SMCHD1: variants seen among roughly 807,000 people sequenced by gnomAD.
SMCHD1 encodes structural maintenance of chromosomes flexible hinge domain-containing protein 1.
Under a neutral mutation model 254.7 loss-of-function variants are expected in SMCHD1, and 78 were observed. The ratio of observed to expected loss-of-function variants is 0.31; its 90% CI spans 0.26 to 0.37. The LOEUF is 0.37. Ranked by LOEUF, SMCHD1 falls within the 10% of genes least tolerant of loss-of-function variation. SMCHD1 has a pLI of 1.00. For synonymous variants in SMCHD1, 766 were observed against 794.9 expected, an observed-to-expected ratio of 0.96 and a Z score of 0.61; for missense variants, 1,840 against 2,408.1, an observed-to-expected ratio of 0.76 and a Z score of 4.94.
At chr18:2,801,426 T>A (rs1247436875) in intron 47 of SMCHD1, among the ~76,000 whole-genome samples, 3 of 152,168 alleles carry the variant, frequency 2.0e-5, no homozygotes, top group Non-Finnish European at 4.4e-5. Context: ...CTTTCTCCTC[T>A]TTGCATCCTG....
chr18:2,743,732 G>C, intron 28 of SMCHD1, 29 bp from the exon 29 acceptor site: 1 of 1,550,010 alleles, frequency 6.5e-7, no homozygotes, highest in African/African-American at 1.4e-5. Context: ...GATACCCCCT[G>C]TCTTTCTCAA....
intron 1 of SMCHD1, among the ~76,000 whole-genome samples, chr18:2,656,779 T>G (rs1011687174): frequency 5.9e-5 from 9 of 152,090 alleles, no homozygotes; most frequent in Non-Finnish European, 1.2e-4. Context: ...AGGTTGCAGG[T>G]CCTTCTGGGG....
At chr18:2,675,754 A>G (rs1244923749) in intron 5 of SMCHD1, among the ~76,000 whole-genome samples, 2 of 152,194 alleles carry the variant, frequency 1.3e-5, no homozygotes, top group Non-Finnish European at 2.9e-5. Flanking sequence ...GGTCAGAAAA[A>G]CATCAGTTAT....
In SMCHD1 at chr18:2,742,277, G is replaced by A. The variant is rs185841883; in HGVS notation, c.3633+1456G>A. Among the ~76,000 whole-genome samples the A allele has an allele frequency of 3.9e-5, 6 of 152,108 alleles. No homozygotes were observed. In the East Asian group the frequency reaches 9.7e-4, roughly 24 times the overall value. On this transcript the variant is annotated intron_variant, in intron 28 of 47. Coordinates refer to ENST00000320876, the MANE Select transcript of SMCHD1 (RefSeq NM_015295.3). ...CTACTTCTGTCTTTCTGTAATTGAC[G>A]TATACTATCTTGGCTCATTTTCGGA...
intron 10 of SMCHD1, among the ~76,000 whole-genome samples, chr18:2,700,075 C>G (rs2074367878): frequency 6.6e-6 from 1 of 152,176 alleles, no homozygotes; most frequent in Non-Finnish European, 1.5e-5. Context: ...AAAAAGTAAA[C>G]TTAATTTTAG....
rs780855590 is a variant in SMCHD1, at chr18:2,667,031, C to T, written c.424C>T (p.Pro142Ser). ...TGCCAGTGAAGGACAAAATCCTTTGCGTAAGTATCCCATTCATACTAATTT... is the reference window on the plus strand; with the variant it reads ...TGCCAGTGAAGGACAAAATCCTTTGTGTAAGTATCCCATTCATACTAATTT... ...YYASEGQNPL[P>S]FALAELIDNS... The change falls in exon 3 of 48, where the codon CCA (proline) becomes TCA (serine). Residue 142 changes from proline to serine, a missense_variant and splice_region_variant. Coordinates refer to ENST00000320876, the MANE Select transcript of SMCHD1 (RefSeq NM_015295.3). 11 of 1,566,290 alleles carry T rather than the reference C, an allele frequency of 7.0e-6. No homozygotes were observed. Among genetic ancestry groups the T allele is most frequent in the Admixed American group, 3.8e-5 (2 of 53,140 alleles).
intron 26 of SMCHD1, among the ~76,000 whole-genome samples, chr18:2,739,177 A>G (rs1197009818): frequency 2.0e-5 from 3 of 152,166 alleles, no homozygotes; most frequent in Non-Finnish European, 4.4e-5. Flanking sequence ...ATTTCCTTTT[A>G]ATCCAGCATA....
At chr18:2,716,391 A>G (rs2074800185) in intron 17 of SMCHD1, among the ~76,000 whole-genome samples, 1 of 152,192 alleles carries the variant, frequency 6.6e-6, no homozygotes, top group African/African-American at 2.4e-5. Flanking sequence ...ATGTGGTGCT[A>G]GAAGGTAAGA....
intron 28 of SMCHD1, among the ~76,000 whole-genome samples, chr18:2,741,545 T>A (rs934712181): frequency 3.9e-5 from 6 of 152,170 alleles, no homozygotes; most frequent in Middle Eastern, 3.2e-3. Flanking sequence ...CTAACTAGAG[T>A]TTCTGTCTCC....
At chr18:2,784,265 C>T (rs1459513893) in intron 44 of SMCHD1, among the ~76,000 whole-genome samples, 185 bp from the exon 45 acceptor site, 1 of 152,178 alleles carries the variant, frequency 6.6e-6, no homozygotes, top group East Asian at 1.9e-4. Context: ...GAAAAGTTGT[C>T]TAATTCATCT....
At chr18:2,703,503 T>C (rs1047903121) in intron 12 of SMCHD1, among the ~76,000 whole-genome samples, 189 bp from the exon 13 acceptor site, 5 of 152,194 alleles carry the variant, frequency 3.3e-5, no homozygotes, top group African/African-American at 9.7e-5. Context: ...ATTTTTCTTC[T>C]TTGGTAATGC....
At chr18:2,740,140 G>A (rs1434898210) in intron 27 of SMCHD1, among the ~76,000 whole-genome samples, 1 of 151,732 alleles carries the variant, frequency 6.6e-6, no homozygotes. Flanking sequence ...GGGTCCATGT[G>A]TTCTCATTGT....
intron 3 of SMCHD1, among the ~76,000 whole-genome samples, chr18:2,671,665 G>A (rs1312067426): frequency 2.8e-5 from 4 of 143,990 alleles, no homozygotes; most frequent in South Asian, 2.2e-4. Flanking sequence ...GCACTATTTC[G>A]GCTCACTGCA....
chr18:2,716,845 CCT>C (rs2074810923), intron 17 of SMCHD1, among the ~76,000 whole-genome samples: 1 of 152,202 alleles, frequency 6.6e-6, no homozygotes, highest in African/African-American at 2.4e-5. Flanking sequence ...GGCAGTCTGT[CCT>C]CAGATTGTGA....
chr18:2,794,235 G>A (rs887409719), intron 45 of SMCHD1, among the ~76,000 whole-genome samples: 1 of 152,100 alleles, frequency 6.6e-6, no homozygotes, highest in Non-Finnish European at 1.5e-5. Context: ...TGGTTAGATC[G>A]CTTAAGCCCA....
intron 17 of SMCHD1, among the ~76,000 whole-genome samples, chr18:2,709,462 GCCGTACTGTTTTC>G (rs2074618378): frequency 6.6e-6 from 1 of 152,042 alleles, no homozygotes; most frequent in Non-Finnish European, 1.5e-5. Context: ...TTGAGAAACT[GCCGTACTGTTTTC>G]CACAGTGGTT....
chr18:2,796,054 A>G lies in SMCHD1; in HGVS notation c.5825A>G (p.Lys1942Arg). 1.9e-6 allele frequency: 3 copies of G among 1,583,230 alleles called. No individual in the cohort carries two copies. Among genetic ancestry groups the G allele is most frequent in the Non-Finnish European group, 2.6e-6 (3 of 1,164,664 alleles). Residue 1942 changes from lysine (K) to arginine (R), a missense_variant, in exon 46 of 48, where the codon AAG becomes AGG. Lys to Arg is a conservative substitution (Grantham distance 26, BLOSUM62 2). Transcript: ENST00000320876. ...YLRTPDMRKK[K>R]QELDEHEKNL... ...CGCACTCCGGATATGAGGAAGAAAA[A>G]GCAAGAACTTGATGAACATGAGAAA...
intron 20 of SMCHD1, 45 bp from the exon 21 acceptor site, chr18:2,724,854 T>A (rs766357322): frequency 8.2e-6 from 9 of 1,103,122 alleles, no homozygotes; most frequent in Non-Finnish European, 1.2e-5. Context: ...TGCAGCTTAC[T>A]TGTAGGCAAT....
In SMCHD1 at chr18:2,728,493, A is replaced by C. The variant is rs2075068435; in HGVS notation, c.2810A>C (p.Glu937Ala). 2 of 1,613,268 alleles carry C rather than the reference A, an allele frequency of 1.2e-6. No homozygotes were observed. The highest frequency in any genetic ancestry group is 2.2e-5 in the South Asian group (2 of 90,998). ...CGACTGAAAGTGAAACCTGATTCTG[A>C]AATTTTAGTTATAGAAAATGGAACA... ...PRRLKVKPDS[E>A]ILVIENGTAF... The change falls in exon 23 of 48, where the codon GAA (glutamate) becomes GCA (alanine). Residue 937 changes from glutamate to alanine, a missense_variant. Glu to Ala is a moderately radical substitution (Grantham distance 107, BLOSUM62 -1). Transcript: ENST00000320876.
Sources: gnomAD v4.1 joint callset for allele counts (sites outside exome capture counted in the v4.1 genomes callset) on GRCh38, gnomAD v4.1.1 for gene constraint, MANE v1.5 for transcripts, NCBI Gene and HGNC (gene_info 2026-07-23, HGNC 2026-07-21) for gene names.